Variants in KLF12 observed in about 807,000 individuals in gnomAD.
KLF12 encodes KLF transcription factor 12, also known as Krueppel-like factor 12.
A neutral mutation model predicts 37.8 loss-of-function variants in KLF12; 9 were observed. The ratio of observed to expected loss-of-function variants is 0.24; its 90% CI spans 0.14 to 0.42. The LOEUF is 0.42. Among genes scored for constraint, KLF12 ranks in the 10% least tolerant of loss-of-function variants. The probability of loss-of-function intolerance (pLI) is 1.00; values close to 1 mark genes in which losing one functional copy is unlikely to be tolerated. For synonymous variants in KLF12, 208 were observed against 202.1 expected, an observed-to-expected ratio of 1.03 and a Z score of -0.25; for missense variants, 411 against 516.0, an observed-to-expected ratio of 0.80 and a Z score of 1.97.
the KLF12 span, among the ~76,000 whole-genome samples, chr13:74,294,781 C>T: frequency 2.0e-5 from 3 of 152,296 alleles, no homozygotes; most frequent in African/African-American, 2.4e-5. Context: ...TCTTCTCCAT[C>T]CCCACAGGCG....
chr13:73,907,647 GAAGAAGGT>G (rs1352380756), intron 3 of KLF12, among the ~76,000 whole-genome samples: 1 of 152,198 alleles, frequency 6.6e-6, no homozygotes, highest in Non-Finnish European at 1.5e-5. Context: ...TAAGTAACTT[GAAGAAGGT>G]CATCCAGGTG....
intron 5 of KLF12, among the ~76,000 whole-genome samples, chr13:73,810,421 G>A (rs1303081968): frequency 6.6e-6 from 1 of 152,024 alleles, no homozygotes; most frequent in Non-Finnish European, 1.5e-5. Context: ...CCCAAATGGA[G>A]TAAGCATACT....
chr13:73,768,732 T>G (rs748506451), intron 5 of KLF12, among the ~76,000 whole-genome samples: 3 of 152,204 alleles, frequency 2.0e-5, no homozygotes, highest in Non-Finnish European at 4.4e-5. Context: ...TTATCTTAAT[T>G]TATCCTCATG....
At position 73,951,796 on chromosome 13, in the gene KLF12, G is replaced by A. The variant is rs192429225; in HGVS notation, c.34-7726C>T. 1.7e-3 allele frequency among the ~76,000 whole-genome samples: 252 copies of A among 152,274 alleles called. 1 individual carries two copies. Among genetic ancestry groups the A allele is most frequent in the Non-Finnish European group, 3.0e-3 (201 of 68,026 alleles). ...AATGCTCCTCCCTCCAGGACTATGT[G>A]CATTCTATTCCATCACAGTATTCAC... is the stretch of plus-strand genomic sequence containing the variant. On this transcript the variant is annotated intron_variant, in intron 2 of 7. Transcript: ENST00000377669.
the KLF12 span, among the ~76,000 whole-genome samples, chr13:74,140,835 C>T: frequency 2.0e-5 from 3 of 152,100 alleles, no homozygotes; most frequent in East Asian, 1.9e-4. Flanking sequence ...GGGCAGATCA[C>T]GAGATCAGGA....
Position 73,938,326 on chromosome 13 carries a change from C to A in KLF12, c.123+5655G>T, listed in dbSNP as rs562255029. On this transcript the variant is annotated intron_variant, in intron 3 of 7. Transcript: ENST00000377669. Reference sequence around the variant, plus strand: ...GTTGGGTTTTTTCCCCCTAATGCTACTGAATTTTAATGTAATTTATTTCCT... The same window carrying A: ...GTTGGGTTTTTTCCCCCTAATGCTAATGAATTTTAATGTAATTTATTTCCT... Among the ~76,000 whole-genome samples, 92 of 152,214 alleles carry A rather than the reference C, an allele frequency of 6.0e-4. 2 individuals are homozygous for A. The highest frequency in any genetic ancestry group is 4.1e-4 in the Non-Finnish European group (28 of 68,020).
At chr13:73,898,946 G>C (rs1200029169) in intron 3 of KLF12, among the ~76,000 whole-genome samples, 2 of 151,984 alleles carry the variant, frequency 1.3e-5, no homozygotes, top group African/African-American at 4.8e-5. Context: ...AAGCTGGCTT[G>C]TACCCTACAA....
At chr13:74,284,795 C>T in the KLF12 span, among the ~76,000 whole-genome samples, 5 of 152,172 alleles carry the variant, frequency 3.3e-5, no homozygotes, top group Admixed American at 2.6e-4. Flanking sequence ...TTCATATATA[C>T]TATGAAGTCC....
chr13:73,931,111 G>C (rs939081636), intron 3 of KLF12, among the ~76,000 whole-genome samples: 4 of 151,910 alleles, frequency 2.6e-5, no homozygotes, highest in Non-Finnish European at 5.9e-5. Context: ...ACCCGCCTCG[G>C]CCTCCCAAAG....
At chr13:74,022,790 G>C (rs1405864923) in intron 1 of KLF12, among the ~76,000 whole-genome samples, 2 of 151,412 alleles carry the variant, frequency 1.3e-5, no homozygotes, top group Non-Finnish European at 2.9e-5. Context: ...AGATGTCTGG[G>C]AAGGCCTTGA....
chr13:73,957,097 AAAGGAAAGAAAGG>A lies in KLF12; in HGVS notation c.34-13040_34-13028del, dbSNP rs1289532327. Among the ~76,000 whole-genome samples, 9 of 120,754 alleles carry A rather than the reference AAAGGAAAGAAAGG, an allele frequency of 7.5e-5. 1 individual carries two copies. The highest frequency in any genetic ancestry group is 2.5e-4 in the Admixed American group (3 of 11,978). The allele number at this position is 120,754 out of a possible 152,430, so 79.2% of individuals were successfully genotyped here. ...AAAGGAAAGGAAAGGAAAGGAAAGGAAAGGAAAGAAAGGAAAAGAAAGAAAAGGAAAGGAGGAA... is the reference window on the plus strand; with the variant it reads ...AAAGGAAAGGAAAGGAAAGGAAAGGAAAAAGAAAGAAAAGGAAAGGAGGAA... On this transcript the variant is annotated intron_variant, in intron 2 of 7. Transcript: ENST00000377669.
chr13:74,073,767 T>C (rs752843051), intron 1 of KLF12, among the ~76,000 whole-genome samples: 2 of 152,114 alleles, frequency 1.3e-5, no homozygotes, highest in Non-Finnish European at 2.9e-5. Flanking sequence ...AAGACTAAAC[T>C]CCAATCACTT....
chr13:73,900,874 T>A (rs1888010766), intron 3 of KLF12, among the ~76,000 whole-genome samples: 1 of 152,196 alleles, frequency 6.6e-6, no homozygotes, highest in South Asian at 2.1e-4. Flanking sequence ...TGGGCCCGTC[T>A]GCTTTAAATT....
At chr13:74,188,791 T>A in the KLF12 span, among the ~76,000 whole-genome samples, 1,697 of 151,530 alleles carry the variant, frequency 0.011, 29 homozygotes, top group African/African-American at 0.038. Context: ...AGGCCAGGAG[T>A]TCAAGACCAG....
chr13:74,066,763 T>C (rs1873940740), intron 1 of KLF12, among the ~76,000 whole-genome samples: 1 of 152,220 alleles, frequency 6.6e-6, no homozygotes, highest in Non-Finnish European at 1.5e-5. Flanking sequence ...ATATCAAAGA[T>C]AGCTGTCTTT....
At chr13:74,138,217 A>G (rs1043213341), upstream of KLF12, among the ~76,000 whole-genome samples, 14 of 152,380 alleles carry the variant, frequency 9.2e-5, no homozygotes, top group African/African-American at 3.4e-4. Flanking sequence ...GGAATAGGGT[A>G]GGAATGAAGT....
chr13:74,187,009 C>G, the KLF12 span, among the ~76,000 whole-genome samples: 1 of 152,182 alleles, frequency 6.6e-6, no homozygotes, highest in Non-Finnish European at 1.5e-5. Context: ...ATATAAAACA[C>G]AGGGTCTGCA....
intron 3 of KLF12, among the ~76,000 whole-genome samples, chr13:73,852,871 G>GT (rs35471651): frequency 0.071 from 9,710 of 137,168 alleles, 609 homozygotes; most frequent in African/African-American, 0.15. Context: ...TTACATTTAT[G>GT]TTTTTTTTTT....
chr13:73,802,309 A>C (rs898150624), intron 5 of KLF12: 2 of 152,144 alleles, frequency 1.3e-5, no homozygotes, highest in African/African-American at 4.8e-5. Flanking sequence ...AAAAGTACTT[A>C]ATGGCTGCTA....
Sources: gnomAD v4.1 joint callset for allele counts (sites outside exome capture counted in the v4.1 genomes callset) on GRCh38, gnomAD v4.1.1 for gene constraint, MANE v1.5 for transcripts, NCBI Gene and HGNC (gene_info 2026-07-23, HGNC 2026-07-21) for gene names.